Variants in ZFHX3 observed in about 807,000 individuals in gnomAD.
The protein encoded by ZFHX3 is zinc finger homeobox protein 3.
Under a neutral mutation model 279.1 loss-of-function variants are expected in ZFHX3, and 42 were observed. That is an observed-to-expected ratio of 0.15 (90% CI 0.12 to 0.19). The LOEUF is 0.19. ZFHX3 is among the 10% of genes least tolerant of loss of function. The pLI is 1.00. For missense variants in ZFHX3, 4,981 were observed against 4,754.0 expected, an observed-to-expected ratio of 1.05 and a Z score of -1.40; for synonymous variants, 2,293 against 1,957.8, an observed-to-expected ratio of 1.17 and a Z score of -4.52.
intron 3 of ZFHX3, among the ~76,000 whole-genome samples, chr16:73,367,918 G>T (rs143064844): frequency 2.7e-5 from 4 of 148,664 alleles, no homozygotes; most frequent in African/African-American, 7.5e-5. Flanking sequence ...TCTCAGGCTG[G>T]AGTGCAGTGG....
intron 1 of ZFHX3, among the ~76,000 whole-genome samples, chr16:73,791,824 T>C (rs561254916): frequency 1.3e-5 from 2 of 152,362 alleles, no homozygotes; most frequent in African/African-American, 4.8e-5. Context: ...TATGTATTAA[T>C]GAAAATAAAT....
intron 4 of ZFHX3, among the ~76,000 whole-genome samples, chr16:72,867,502 G>C (rs1044538219): frequency 6.6e-6 from 1 of 152,178 alleles, no homozygotes; most frequent in African/African-American, 2.4e-5. Context: ...ATCTAAGACT[G>C]TAAGAAGCAA....
At chr16:73,359,684 T>A (rs1195083565) in intron 3 of ZFHX3, among the ~76,000 whole-genome samples, 1 of 152,204 alleles carries the variant, frequency 6.6e-6, no homozygotes, top group East Asian at 1.9e-4. Flanking sequence ...TCTGGAGCTA[T>A]CTTCTCTCTG....
At chr16:73,284,571 C>T (rs2143073440) in intron 4 of ZFHX3, among the ~76,000 whole-genome samples, 1 of 152,166 alleles carries the variant, frequency 6.6e-6, no homozygotes, top group African/African-American at 2.4e-5. Context: ...ATGAAATACT[C>T]TCAAATTGGC....
chr16:73,836,333 GA>G (rs747548140), intron 1 of ZFHX3, among the ~76,000 whole-genome samples: 1 of 152,160 alleles, frequency 6.6e-6, no homozygotes, highest in Admixed American at 6.5e-5. Context: ...GCCTACATCA[GA>G]AAAAAACTGA....
At chr16:73,742,943 CA>C (rs1315809065) in intron 1 of ZFHX3, among the ~76,000 whole-genome samples, 1 of 152,112 alleles carries the variant, frequency 6.6e-6, no homozygotes, top group Non-Finnish European at 1.5e-5. Flanking sequence ...TTATTTATGT[CA>C]TCATCAAATT....
intron 2 of ZFHX3, among the ~76,000 whole-genome samples, chr16:73,608,467 ATG>A (rs2052213279): frequency 6.6e-6 from 1 of 152,240 alleles, no homozygotes; most frequent in East Asian, 1.9e-4. Flanking sequence ...ACCAGGTAAA[ATG>A]ACTTATTGGC....
At chr16:73,702,326 G>C (rs1056378159) in intron 1 of ZFHX3, among the ~76,000 whole-genome samples, 97 of 152,178 alleles carry the variant, frequency 6.4e-4, no homozygotes, top group African/African-American at 2.2e-3. Context: ...CAGGTGTGGG[G>C]ACATTTGATT....
At chr16:73,574,896 C>T (rs11644384) in intron 2 of ZFHX3, among the ~76,000 whole-genome samples, 5,758 of 152,242 alleles carry the variant, frequency 0.038, 152 homozygotes, top group Non-Finnish European at 0.056. Flanking sequence ...CAAGGTACCT[C>T]TAATGACCCA....
intron 3 of ZFHX3, among the ~76,000 whole-genome samples, chr16:73,369,363 C>G (rs554062892): frequency 1.3e-5 from 2 of 152,170 alleles, no homozygotes; most frequent in African/African-American, 4.8e-5. Flanking sequence ...GTGATGGCAG[C>G]GCACTGAACC....
At chr16:73,304,129 C>T (rs1013169652) in intron 4 of ZFHX3, among the ~76,000 whole-genome samples, 1 of 152,190 alleles carries the variant, frequency 6.6e-6, no homozygotes, top group East Asian at 1.9e-4. Flanking sequence ...GTCTCAGCCT[C>T]ACGGAGCTTG....
chr16:72,978,882 C>A (rs1466713143), intron 1 of ZFHX3, among the ~76,000 whole-genome samples: 1 of 152,212 alleles, frequency 6.6e-6, no homozygotes, highest in Non-Finnish European at 1.5e-5. Context: ...TACTATGTGC[C>A]AGGCACTGTG....
At chr16:73,179,372 C>T (rs574304246) in intron 5 of ZFHX3, among the ~76,000 whole-genome samples, 4 of 152,208 alleles carry the variant, frequency 2.6e-5, no homozygotes, top group Non-Finnish European at 5.9e-5. Flanking sequence ...TTTGACTCCA[C>T]TCCCCTCCAT....
chr16:73,143,873 GT>G, intron 5 of ZFHX3: 2 of 1,022,920 alleles, frequency 2.0e-6, no homozygotes, highest in Middle Eastern at 2.4e-4. Context: ...TTGGGGAGAT[GT>G]TTGGCAAACC....
chr16:73,424,222 T>C (rs144833865), intron 3 of ZFHX3, among the ~76,000 whole-genome samples: 9 of 152,284 alleles, frequency 5.9e-5, no homozygotes, highest in African/African-American at 1.9e-4. Flanking sequence ...TTACTAGTAG[T>C]CTCTCACTAG....
At chr16:73,878,884 T>C (rs567237710) in intron 1 of ZFHX3, among the ~76,000 whole-genome samples, 31 of 151,458 alleles carry the variant, frequency 2.0e-4, no homozygotes, top group African/African-American at 7.0e-4. Context: ...AAAAGGCTGA[T>C]AGATGTAACT....
chr16:73,441,441 T>C (rs1449227343), intron 3 of ZFHX3, among the ~76,000 whole-genome samples: 1 of 152,138 alleles, frequency 6.6e-6, no homozygotes, highest in Non-Finnish European at 1.5e-5. Flanking sequence ...CTGTATCCTT[T>C]GGTAAAAGAG....
intron 4 of ZFHX3, among the ~76,000 whole-genome samples, chr16:73,264,346 T>C (rs987982014): frequency 6.6e-6 from 1 of 152,200 alleles, no homozygotes; most frequent in Non-Finnish European, 1.5e-5. Flanking sequence ...CTGGTTTCCA[T>C]TAAATTTAAT....
intron 5 of ZFHX3, among the ~76,000 whole-genome samples, chr16:73,217,414 C>G (rs1023778022): frequency 6.6e-6 from 1 of 152,130 alleles, no homozygotes; most frequent in African/African-American, 2.4e-5. Flanking sequence ...ATAAGGAAGT[C>G]AGGTCACACT....
Sources: allele counts gnomAD v4.1 joint callset (sites outside exome capture counted in the v4.1 genomes callset), GRCh38; gene constraint gnomAD v4.1.1; transcripts MANE v1.5; gene names NCBI Gene and HGNC (gene_info 2026-07-23, HGNC 2026-07-21).